UNC13D: variants seen among roughly 807,000 people sequenced by gnomAD.
The protein encoded by UNC13D is unc-13 homolog D.
In UNC13D, 115 loss-of-function variants were observed where a neutral mutation model predicts 151.7. That is an observed-to-expected ratio of 0.76 (90% CI 0.65 to 0.88). The LOEUF (loss-of-function observed/expected upper bound fraction) is 0.88, where lower values mean the gene tolerates loss of function less well. Among genes scored for constraint, UNC13D ranks in the 40% least tolerant of loss-of-function variants. The pLI is 0.00. For synonymous variants in UNC13D, 588 were observed against 612.2 expected, an observed-to-expected ratio of 0.96 and a Z score of 0.58; for missense variants, 1,369 against 1,438.7, an observed-to-expected ratio of 0.95 and a Z score of 0.78.
rs766166683 is a variant in UNC13D, at chr17:75,842,490, T to G, written c.512A>C (p.His171Pro). The G allele has an allele frequency of 6.8e-6, 11 of 1,613,118 alleles. No individual in the cohort carries two copies. The highest frequency in any genetic ancestry group is 8.5e-6 in the Non-Finnish European group (10 of 1,179,878). ...TGTCTGGGTGATGACCTGCGTGCGG[T>G]GGGTCTCCTCCTCGGGGATGGTGTG... is the stretch of plus-strand genomic sequence containing the variant. ...VRHTIPEEET[H>P]RTQVITQTLN... Residue 171 changes from histidine to proline, a missense_variant, in exon 6 of 32, where the codon CAC becomes CCC. Physicochemically the swap from His to Pro is moderately conservative, Grantham distance 77 (BLOSUM62 -2). Coordinates refer to ENST00000207549, the MANE Select transcript of UNC13D (RefSeq NM_199242.3).
chr17:75,843,617 T>G, intron 1 of UNC13D, 98 bp from the exon 2 acceptor site: 1 of 1,551,910 alleles, frequency 6.4e-7, no homozygotes, highest in Non-Finnish European at 8.7e-7. Flanking sequence ...GCCAAGGGTA[T>G]GGGGGCCCCA....
rs2062141368 is a variant in UNC13D at position 75,828,826 on chromosome 17, G to A, written c.3112C>T (p.Pro1038Ser). Reference sequence around the variant, plus strand: ...TACGTGAGGGGCAGGCGGGTCTGAGGCACCTCACCAGGCTCCTCAGAGCCA... The same window carrying A: ...TACGTGAGGGGCAGGCGGGTCTGAGACACCTCACCAGGCTCCTCAGAGCCA... ...LSGSEEPGEV[P>S]QTRLPLTYPA... Residue 1038 changes from proline (P) to serine (S), a missense_variant, in exon 31 of 32, where the codon CCT becomes TCT. By Grantham distance (74) the Pro-to-Ser change is moderately conservative (BLOSUM62 -1). Transcript: ENST00000207549. 1.3e-6 allele frequency: 2 copies of A among 1,566,248 alleles called. No individual in the cohort carries two copies.
At position 75,832,949 on chromosome 17, in the gene UNC13D, C is replaced by A; in HGVS notation, c.2447+17G>T. On this transcript the variant is annotated intron_variant, in intron 25 of 31. Transcript: ENST00000207549. The surrounding 1 kb of genome is among the most constrained non-coding windows in gnomAD (Gnocchi z 4.3). Reference sequence around the variant, plus strand: ...GGGGAGGTGGCGAGCGCGCCCAGGGCAGGGGCTGCTACAGACCTGCTGAAG... The same window carrying A: ...GGGGAGGTGGCGAGCGCGCCCAGGGAAGGGGCTGCTACAGACCTGCTGAAG... The A allele has an allele frequency of 6.4e-7, 1 of 1,570,668 alleles. No homozygotes were observed. The highest frequency in any genetic ancestry group is 8.6e-7 in the Non-Finnish European group (1 of 1,157,158).
In UNC13D at chr17:75,831,355, C is replaced by T. The variant is rs537787945; in HGVS notation, c.2448-7G>A. The T allele has an allele frequency of 1.1e-5, 18 of 1,609,084 alleles. No individual in the cohort carries two copies. Among genetic ancestry groups the T allele is most frequent in the Middle Eastern group, 1.6e-4 (1 of 6,076 alleles). On this transcript the variant is annotated splice_polypyrimidine_tract_variant and splice_region_variant and intron_variant, in intron 25 of 31. Transcript: ENST00000207549. ...CCAGAGCAGGGTCAGGAGGCTGGGGCGGGGCCGGAGGGATGCGGACACAGC... is the reference window on the plus strand; with the variant it reads ...CCAGAGCAGGGTCAGGAGGCTGGGGTGGGGCCGGAGGGATGCGGACACAGC...
At position 75,836,086 on chromosome 17, in the gene UNC13D, G is replaced by A; in HGVS notation, c.1470C>T (p.Ala490=). Reference sequence around the variant, plus strand: ...TGACATCCTGTACCAGGCCCAGCAAGGCCTTGCCTGCCTCCGGGATGCCCT... The same window carrying A: ...TGACATCCTGTACCAGGCCCAGCAAAGCCTTGCCTGCCTCCGGGATGCCCT... ...MVQGIPEAGK[A]LLGLVQDVIG... is the part of the protein sequence containing the mutation. Residue 490 remains alanine, a synonymous_variant, in exon 17 of 32, where the codon GCC becomes GCT. Coordinates refer to ENST00000207549, the MANE Select transcript of UNC13D (RefSeq NM_199242.3). 1 of 1,613,602 alleles carries A rather than the reference G, an allele frequency of 6.2e-7. No individual in the cohort carries two copies. Among genetic ancestry groups the A allele is most frequent in the Non-Finnish European group, 8.5e-7 (1 of 1,180,034 alleles).
At position 75,835,652 on chromosome 17, in the gene UNC13D, T is replaced by C; in HGVS notation, c.1722A>G (p.Ser574=). The stretch of plus-strand genomic sequence containing the variant: ...ACAATTGGCCTGCTGCCCACCTCTC[T>C]GAGGAGCTCATGCGCAGCTGGCAGA... ...KELCQLRMSS[S]ERDGVLALDN... Residue 574 remains serine (S), a synonymous_variant, in exon 19 of 32, where the codon TCA becomes TCG. Transcript: ENST00000207549. 1.9e-6 allele frequency: 3 copies of C among 1,613,264 alleles called. No homozygotes were observed. Among genetic ancestry groups the C allele is most frequent in the Non-Finnish European group, 2.5e-6 (3 of 1,180,010 alleles).
rs1204853885 is a variant in UNC13D, at chr17:75,834,693, C to T, written c.2016G>A (p.Val672=). Residue 672 remains valine, a synonymous_variant, in exon 22 of 32, where the codon GTG becomes GTA. Coordinates refer to ENST00000207549, the MANE Select transcript of UNC13D (RefSeq NM_199242.3). ...FVEDTCRLAL[V]YCSLIKARAR... is the part of the protein sequence containing the mutation. ...CCCGGGCCTTTATAAGGCTGCAGTA[C>T]ACCAGGGCCAGGCGACAGGTGTCCT... 6.2e-7 allele frequency: 1 copy of T among 1,613,588 alleles called. No individual in the cohort carries two copies. The highest frequency in any genetic ancestry group is 1.3e-5 in the African/African-American group (1 of 74,906).
intron 25 of UNC13D, chr17:75,831,570 C>G: frequency 1.7e-6 from 1 of 589,372 alleles, no homozygotes; most frequent in South Asian, 2.0e-5. Flanking sequence ...CAACACACCT[C>G]TCAACCTCAG....
At position 75,835,539 on chromosome 17, in the gene UNC13D, G is replaced by T. The variant is rs753356790; in HGVS notation, c.1728-10C>A. 1.2e-4 allele frequency: 188 copies of T among 1,601,606 alleles called. No individual in the cohort carries two copies. The highest frequency in any genetic ancestry group is 1.6e-4 in the Non-Finnish European group (184 of 1,174,468). On this transcript the variant is annotated splice_polypyrimidine_tract_variant and intron_variant, in intron 19 of 31. Transcript: ENST00000207549. Reference sequence around the variant, plus strand: ...GGCCAGGACTCCATCCCTGGGGATTGCCGGGGCTCAGCGTCGGGAAGGCTG... The same window carrying T: ...GGCCAGGACTCCATCCCTGGGGATTTCCGGGGCTCAGCGTCGGGAAGGCTG...
At chr17:75,841,602 C>T (rs550322488) in intron 6 of UNC13D, among the ~76,000 whole-genome samples, 95 of 150,916 alleles carry the variant, frequency 6.3e-4, no homozygotes, top group Middle Eastern at 3.4e-3. Context: ...CCTCCACGCC[C>T]GGCTAATTTT....
intron 12 of UNC13D, 132 bp downstream of exon 12, chr17:75,839,707 A>G (rs1292992365): frequency 2.0e-6 from 2 of 1,024,830 alleles, no homozygotes; most frequent in East Asian, 2.5e-5. Flanking sequence ...CAACTGATTC[A>G]AAACTTAAAA....
rs538427767 is a variant in UNC13D at position 75,835,763 on chromosome 17, C to T, written c.1611G>A (p.Val537=). 4.6e-5 allele frequency: 74 copies of T among 1,613,938 alleles called. 2 individuals carry two copies. The South Asian group carries it at 7.0e-4, about 15-fold the overall frequency. Residue 537 remains valine (V), a synonymous_variant, in exon 19 of 32, where the codon GTG becomes GTA. Transcript: ENST00000207549. ...RELQWLVAKR[V]QDHTTVVGDV... is the part of the protein sequence containing the mutation. Reference sequence around the variant, plus strand: ...CACCCACAACCGTCGTGTGGTCCTGCACCCGCTTGGCCACCTGCAAAGGAA... The same window carrying T: ...CACCCACAACCGTCGTGTGGTCCTGTACCCGCTTGGCCACCTGCAAAGGAA...
At position 75,843,489 on chromosome 17, in the gene UNC13D, C is replaced by T. The variant is rs756652448; in HGVS notation, c.148G>A (p.Glu50Lys). Residue 50 changes from glutamate (E) to lysine (K), a missense_variant, in exon 2 of 32, where the codon GAG becomes AAG. Around this residue, in one of 3 missense-constraint regions of UNC13D, gnomAD observed 550 missense variants for 609.0 expected, o/e 0.90. Coordinates refer to ENST00000207549, the MANE Select transcript of UNC13D (RefSeq NM_199242.3). ...CCCAGCACTCTGACTCTTACCTGCT[C>T]GGGGGAGAAGTGGTGGGATGGAGGC... is the stretch of plus-strand genomic sequence containing the variant. ...IQPPSHHFSP[E>K]QRALLYEDAL... 8 of 1,610,358 alleles carry T rather than the reference C, an allele frequency of 5.0e-6. No homozygotes were observed. Among genetic ancestry groups the T allele is most frequent in the Non-Finnish European group, 6.8e-6 (8 of 1,178,958 alleles).
At position 75,830,015 on chromosome 17, in the gene UNC13D, G is replaced by T; in HGVS notation, c.2954+13C>A. 1 of 1,573,408 alleles carries T rather than the reference G, an allele frequency of 6.4e-7. No homozygotes were observed. The highest frequency in any genetic ancestry group is 2.3e-5 in the East Asian group (1 of 43,352). On this transcript the variant is annotated intron_variant, in intron 30 of 31. Coordinates refer to ENST00000207549, the MANE Select transcript of UNC13D (RefSeq NM_199242.3). The stretch of plus-strand genomic sequence containing the variant: ...TGAGGGGAGGGACTGGGAGAAGAAC[G>T]GGACCCACTCACAATTCAAAGGTCT...
chr17:75,829,880 A>G (rs949115844), intron 30 of UNC13D, 148 bp downstream of exon 30: 4 of 1,288,846 alleles, frequency 3.1e-6, no homozygotes, highest in Admixed American at 2.2e-5. Context: ...ATCCAGCTGC[A>G]AACTCTTGTC....
intron 25 of UNC13D, 157 bp from the exon 26 acceptor site, chr17:75,831,505 G>T: frequency 1.5e-6 from 1 of 672,738 alleles, no homozygotes; most frequent in Non-Finnish European, 2.6e-6. Flanking sequence ...CCCAGGTGAG[G>T]CTGGGGAGAG....
Position 75,833,067 on chromosome 17 carries a change from A to T in UNC13D, c.2368-22T>A, listed in dbSNP as rs1327669342. ...TGGCCTGGGGAGGGAGATGGGGAGC[A>T]GGTGTGGCTCCGGCCCATGTTGGCC... On this transcript the variant is annotated intron_variant, in intron 24 of 31. Coordinates refer to ENST00000207549, the MANE Select transcript of UNC13D (RefSeq NM_199242.3). This position sits in a 1 kb window ranked among gnomAD's most constrained non-coding sequence, Gnocchi z 4.0. 1 of 1,593,894 alleles carries T rather than the reference A, an allele frequency of 6.3e-7. No homozygotes were observed. Among genetic ancestry groups the T allele is most frequent in the East Asian group, 2.3e-5 (1 of 44,258 alleles).
chr17:75,836,687 GCTC>G lies in UNC13D; in HGVS notation c.1180_1182del (p.Glu394del). 1 of 1,613,624 alleles carries G rather than the reference GCTC, an allele frequency of 6.2e-7. No homozygotes were observed. Among genetic ancestry groups the G allele is most frequent in the East Asian group, 2.2e-5 (1 of 44,888 alleles). The stretch of plus-strand genomic sequence containing the variant: ...AGCAGGGAGCTGAATGAGGCGGCCA[GCTC>G]CTCCTGCTGAAGAGCCAGGAGATGC... On this transcript the variant is annotated inframe_deletion, in exon 14 of 32. Transcript: ENST00000207549.
At position 75,840,938 on chromosome 17, in the gene UNC13D, G is replaced by A; in HGVS notation, c.614+19C>T. 6.2e-7 allele frequency: 1 copy of A among 1,614,040 alleles called. No individual in the cohort carries two copies. The highest frequency in any genetic ancestry group is 1.1e-5 in the South Asian group (1 of 91,076). Reference sequence around the variant, plus strand: ...GATCCCTTCCCTTCCCATCCCTAGGGGCAGGCCAGGTCACTCACCACATGT... The same window carrying A: ...GATCCCTTCCCTTCCCATCCCTAGGAGCAGGCCAGGTCACTCACCACATGT... On this transcript the variant is annotated intron_variant, in intron 7 of 31. Transcript: ENST00000207549. This position sits in a 1 kb window ranked among gnomAD's most constrained non-coding sequence, Gnocchi z 4.6.
Sources: allele counts gnomAD v4.1 joint callset (sites outside exome capture counted in the v4.1 genomes callset), GRCh38; gene constraint gnomAD v4.1.1; regional missense constraint gnomAD v4.1.1; non-coding constraint Gnocchi (gnomAD v3.1); transcripts MANE v1.5; gene names NCBI Gene and HGNC (gene_info 2026-07-23, HGNC 2026-07-21).